EEF2: variants seen among roughly 807,000 people sequenced by gnomAD.
EEF2 encodes the protein eukaryotic translation elongation factor 2, also known as elongation factor 2.
Under a neutral mutation model 85.3 loss-of-function variants are expected in EEF2, and 21 were observed. The observed-to-expected ratio is 0.25, with a 90% CI of 0.17 to 0.35. The LOEUF (loss-of-function observed/expected upper bound fraction) is 0.35, where lower values mean the gene tolerates loss of function less well. Among genes scored for constraint, EEF2 ranks in the 10% least tolerant of loss-of-function variants. The probability of loss-of-function intolerance (pLI) is 1.00; values close to 1 mark genes in which losing one functional copy is unlikely to be tolerated. For missense variants in EEF2, 825 were observed against 1,225.3 expected, an observed-to-expected ratio of 0.67 and a Z score of 4.88; for synonymous variants, 723 against 508.8, an observed-to-expected ratio of 1.42 and a Z score of -5.67.
At position 3,979,976 on chromosome 19, in the gene EEF2, C is replaced by G; in HGVS notation, c.1437G>C (p.Leu479=). The change falls in exon 10 of 15, where the codon CTG becomes CTC. Residue 479 remains leucine (L), a synonymous_variant. Transcript: ENST00000309311. ...AGGTGGTGATGGTGCCCGTCTTCAC[C>G]AGGAACTGGTCCACGCCCACGAGGC... is the stretch of plus-strand genomic sequence containing the variant. ...IVGLVGVDQF[L]VKTGTITTFE... 3 of 1,613,922 alleles carry G rather than the reference C, an allele frequency of 1.9e-6. No homozygotes were observed. Among genetic ancestry groups the G allele is most frequent in the Non-Finnish European group, 2.5e-6 (3 of 1,180,050 alleles).
rs369453823 is a variant in EEF2 at position 3,979,560 on chromosome 19, T to C, written c.1606-124A>G. 6.3e-5 allele frequency: 62 copies of C among 978,080 alleles called. No homozygotes were observed. In the African/African-American group the frequency reaches 7.2e-4, roughly 11 times the overall value. The allele number at this position is 978,080 out of a possible 1,614,324, so 60.6% of individuals were successfully genotyped here. ...GATTTCAGGGAAGGTGCTGGGAAACTGGGACCAGCACAAACTCCTGAAGAA... is the reference window on the plus strand; with the variant it reads ...GATTTCAGGGAAGGTGCTGGGAAACCGGGACCAGCACAAACTCCTGAAGAA... On this transcript the variant is annotated intron_variant, in intron 10 of 14. Coordinates refer to ENST00000309311, the MANE Select transcript of EEF2 (RefSeq NM_001961.4).
At chr19:3,976,830 T>G in intron 14 of EEF2, 83 bp from the exon 15 acceptor site, 2 of 1,374,700 alleles carry the variant, frequency 1.5e-6, no homozygotes, top group East Asian at 2.5e-5. Flanking sequence ...CTCAGGCTAG[T>G]TCCTCAGCCT....
intron 2 of EEF2, among the ~76,000 whole-genome samples, 174 bp from the exon 3 acceptor site, chr19:3,983,465 T>C (rs1259635804): frequency 1.3e-5 from 2 of 151,870 alleles, no homozygotes; most frequent in African/African-American, 4.8e-5. Context: ...GCCACCCCCA[T>C]GACAGGGAAC....
chr19:3,981,253 C>G, intron 7 of EEF2, 86 bp downstream of exon 7: 5 of 1,363,082 alleles, frequency 3.7e-6, no homozygotes, highest in South Asian at 1.2e-5. Flanking sequence ...CAGCTGAGGA[C>G]TTCAGCCCCC....
Position 3,977,390 on chromosome 19 carries a change from G to A in EEF2, c.2250+38C>T. 6.3e-7 allele frequency: 1 copy of A among 1,591,834 alleles called. No individual in the cohort carries two copies. Among genetic ancestry groups the A allele is most frequent in the Non-Finnish European group, 8.6e-7 (1 of 1,168,992 alleles). Reference sequence around the variant, plus strand: ...AAACCTGTCAGTGGCCGCTGGGCAGGACGGTGGCAGGGTCAGCGGTGGGCG... The same window carrying A: ...AAACCTGTCAGTGGCCGCTGGGCAGAACGGTGGCAGGGTCAGCGGTGGGCG... On this transcript the variant is annotated intron_variant, in intron 13 of 14. Transcript: ENST00000309311. This position sits in a 1 kb window ranked among gnomAD's most constrained non-coding sequence, Gnocchi z 5.4.
Position 3,979,570 on chromosome 19 carries a change from A to G in EEF2, c.1606-134T>C, listed in dbSNP as rs191751122. 6.7e-4 allele frequency: 635 copies of G among 943,892 alleles called. 4 individuals are homozygous for G. The African/African-American group carries it at 9.7e-3, about 14-fold the overall frequency. 58.5% of individuals were successfully genotyped at this position (943,892 alleles called of 1,614,324 possible). On this transcript the variant is annotated intron_variant, in intron 10 of 14. Transcript: ENST00000309311. ...AAGGTGCTGGGAAACTGGGACCAGC[A>G]CAAACTCCTGAAGAAATGTTAAGTC...
chr19:3,976,782 GAGA>G (rs1568198117), intron 14 of EEF2, 35 bp from the exon 15 acceptor site: 2 of 1,498,420 alleles, frequency 1.3e-6, no homozygotes, highest in Middle Eastern at 1.8e-4. Flanking sequence ...CTGGGCCATC[GAGA>G]AGGTGGCAGG....
intron 6 of EEF2, 115 bp downstream of exon 6, chr19:3,981,832 C>G: frequency 3.2e-6 from 3 of 926,894 alleles, no homozygotes; most frequent in South Asian, 3.0e-5. Flanking sequence ...CCTCCCATCT[C>G]GCATCTGCCC....
chr19:3,981,009 A>C (rs774489702), intron 7 of EEF2, 30 bp from the exon 8 acceptor site: 1 of 1,555,350 alleles, frequency 6.4e-7, no homozygotes, highest in Non-Finnish European at 8.7e-7. Context: ...TGCATGAGAC[A>C]CCTGGGGAGC....
In EEF2 at chr19:3,976,529, C is replaced by T. The variant is rs756816493; in HGVS notation, c.*25G>A. On this transcript the variant is annotated 3_prime_UTR_variant, in exon 15 of 15. Transcript: ENST00000309311. ...CTGTGGGTGCTGCGAGTCCCCGGGG[C>T]GGCAGGCGCTGCAGGAAGGGCCGCC... is the stretch of plus-strand genomic sequence containing the variant. The T allele has an allele frequency of 1.6e-5, 25 of 1,582,234 alleles. No individual in the cohort carries two copies. The highest frequency in any genetic ancestry group is 1.7e-4 in the Middle Eastern group (1 of 5,882).
rs567506020 is a variant in EEF2 at position 3,977,722 on chromosome 19, T to A, written c.2067+97A>T. On this transcript the variant is annotated intron_variant, in intron 12 of 14. Coordinates refer to ENST00000309311, the MANE Select transcript of EEF2 (RefSeq NM_001961.4). The surrounding 1 kb of genome is among the most constrained non-coding windows in gnomAD (Gnocchi z 5.4). ...GGGGGACCTGGGGCCTTGCCCGCCT[T>A]GGCCCCATTAGGGTCTCTGTCTCGG... is the stretch of plus-strand genomic sequence containing the variant. 5.0e-4 allele frequency: 736 copies of A among 1,485,906 alleles called. 1 individual carries two copies. The highest frequency in any genetic ancestry group is 4.1e-3 in the Middle Eastern group (19 of 4,674). The allele number at this position is 1,485,906 out of a possible 1,614,324, so 92.0% of individuals were successfully genotyped here. A position where few individuals can be genotyped will look rare whatever the true frequency, so the allele number is the denominator to read the frequency against.
rs370654217 is a variant in EEF2, at chr19:3,980,991, G to C, written c.1012-12C>G. Reference sequence around the variant, plus strand: ...CGGCGCATCACAGCCTGCGGGGGCAGAGAGCGGTGCATGAGACACCTGGGG... The same window carrying C: ...CGGCGCATCACAGCCTGCGGGGGCACAGAGCGGTGCATGAGACACCTGGGG... On this transcript the variant is annotated splice_polypyrimidine_tract_variant and intron_variant, in intron 7 of 14. Transcript: ENST00000309311. The C allele has an allele frequency of 1.3e-6, 2 of 1,565,716 alleles. No individual in the cohort carries two copies. The highest frequency in any genetic ancestry group is 1.9e-5 in the Admixed American group (1 of 53,250).
Position 3,983,137 on chromosome 19 carries a change from C to A in EEF2, c.373G>T (p.Ala125Ser). Residue 125 changes from alanine (A) to serine (S), a missense_variant, in exon 3 of 15, where the codon GCA (alanine) becomes TCA (serine). Coordinates refer to ENST00000309311, the MANE Select transcript of EEF2 (RefSeq NM_001961.4). ...VTAALRVTDGALVVVDCVSGV... is the reference protein window; with the variant it reads ...VTAALRVTDGSLVVVDCVSGV... ...GACACGCAGTCCACCACCACCAATGCGCCATCGGTGACTCGGAGGGCAGCA... is the reference window on the plus strand; with the variant it reads ...GACACGCAGTCCACCACCACCAATGAGCCATCGGTGACTCGGAGGGCAGCA... The A allele has an allele frequency of 1.2e-6, 2 of 1,614,050 alleles. No homozygotes were observed. The highest frequency in any genetic ancestry group is 1.1e-5 in the South Asian group (1 of 91,078).
Position 3,977,620 on chromosome 19 carries a change from G to A in EEF2, c.2068-10C>T, listed in dbSNP as rs1036180093. On this transcript the variant is annotated splice_polypyrimidine_tract_variant and intron_variant, in intron 12 of 14. Transcript: ENST00000309311. The surrounding 1 kb of genome is among the most constrained non-coding windows in gnomAD (Gnocchi z 5.4). ...CCTCACACAGTGCGCCCTGGGGGAGGGGGAGAGCCACCGTCAAGGGCCGGA... is the reference window on the plus strand; with the variant it reads ...CCTCACACAGTGCGCCCTGGGGGAGAGGGAGAGCCACCGTCAAGGGCCGGA... 2.1e-5 allele frequency: 32 copies of A among 1,505,232 alleles called. No individual in the cohort carries two copies. The highest frequency in any genetic ancestry group is 2.8e-5 in the African/African-American group (2 of 72,332). 93.2% of individuals were successfully genotyped at this position (1,505,232 alleles called of 1,614,324 possible).
In EEF2 at chr19:3,982,189, G is replaced by A. The variant is rs367745910; in HGVS notation, c.791+57C>T. On this transcript the variant is annotated intron_variant, in intron 5 of 14. Transcript: ENST00000309311. ...TGTGAATAGCACACCACGCCCCTACGTCGCTGCCACTACCCCCAGGTGTCA... is the reference window on the plus strand; with the variant it reads ...TGTGAATAGCACACCACGCCCCTACATCGCTGCCACTACCCCCAGGTGTCA... 21 of 1,606,438 alleles carry A rather than the reference G, an allele frequency of 1.3e-5. No individual in the cohort carries two copies. The East Asian group carries it at 2.7e-4, about 20-fold the overall frequency.
chr19:3,981,742 G>A (rs2039750786), intron 6 of EEF2, among the ~76,000 whole-genome samples: 1 of 152,240 alleles, frequency 6.6e-6, no homozygotes, highest in South Asian at 2.1e-4. Flanking sequence ...CTCAATGCAG[G>A]AGAGGTCCCA....
Position 3,980,590 on chromosome 19 carries a change from C to T in EEF2, c.1270G>A (p.Gly424Ser). The stretch of plus-strand genomic sequence containing the variant: ...GGCCCCATGATCCTGACCTTCAGGC[C>T]AGTGGAGACCAGCCCCGAGAAGACT... ...GRVFSGLVST[G>S]LKVRIMGPNY... Residue 424 changes from glycine (G) to serine (S), a missense_variant, in exon 9 of 15, where the codon GGC (glycine) becomes AGC (serine). By Grantham distance (56) the Gly-to-Ser change is moderately conservative. Transcript: ENST00000309311. 6.2e-7 allele frequency: 1 copy of T among 1,614,230 alleles called. No individual in the cohort carries two copies.
At position 3,977,132 on chromosome 19, in the gene EEF2, T is replaced by C; in HGVS notation, c.2383+83A>G. On this transcript the variant is annotated intron_variant, in intron 14 of 14. Transcript: ENST00000309311. This position sits in a 1 kb window ranked among gnomAD's most constrained non-coding sequence, Gnocchi z 5.4. ...CCTGCTCCCATCAGGACGCCTCCTT[T>C]AACACCTTGCTAAGCTTAACTGGGC... is the stretch of plus-strand genomic sequence containing the variant. 1.9e-6 allele frequency: 3 copies of C among 1,559,294 alleles called. No homozygotes were observed. The highest frequency in any genetic ancestry group is 2.6e-6 in the Non-Finnish European group (3 of 1,152,374).
intron 1 of EEF2, 174 bp downstream of exon 1, chr19:3,985,204 A>G (rs1392008577): frequency 1.5e-5 from 10 of 659,122 alleles, no homozygotes; most frequent in Non-Finnish European, 1.6e-5. Context: ...GGCTCGGTGA[A>G]CAGCGCGGCG....
Sources: allele counts gnomAD v4.1 joint callset (sites outside exome capture counted in the v4.1 genomes callset), GRCh38; gene constraint gnomAD v4.1.1; non-coding constraint Gnocchi (gnomAD v3.1); transcripts MANE v1.5; gene names NCBI Gene and HGNC (gene_info 2026-07-23, HGNC 2026-07-21).